The following CD200R1 variants were observed in gnomAD, a reference collection of about 807,000 sequenced individuals.
The protein encoded by CD200R1 is cell surface glycoprotein CD200 receptor 1.
CD200R1 carries 30 observed loss-of-function variants against 38.1 expected under a neutral mutation model. The ratio of observed to expected loss-of-function variants is 0.79; its 90% confidence interval spans 0.59 to 1.07. The LOEUF (loss-of-function observed/expected upper bound fraction) is 1.07. Ranked by LOEUF, CD200R1 falls within the 50% of genes least tolerant of loss-of-function variation. The pLI is 0.00. For missense variants in CD200R1, 372 were observed against 415.4 expected, an observed-to-expected ratio of 0.90 and a Z score of 0.91; for synonymous variants, 128 against 152.1, an observed-to-expected ratio of 0.84 and a Z score of 1.16.
intron 5 of CD200R1, among the ~76,000 whole-genome samples, 178 bp from the exon 6 acceptor site, chr3:112,925,371 A>G (rs1940258535): frequency 6.6e-6 from 1 of 152,162 alleles, no homozygotes; most frequent in Non-Finnish European, 1.5e-5. Context: ...TATGATTCCA[A>G]TTGTAAGACA....
intron 2 of CD200R1, among the ~76,000 whole-genome samples, chr3:112,935,354 CAAAT>C (rs1276495494): frequency 1.3e-5 from 2 of 152,142 alleles, no homozygotes; most frequent in East Asian, 1.9e-4. Context: ...AAACAAGTCT[CAAAT>C]AATTTTTAAA....
At chr3:112,926,998 TA>T (rs1940294613) in intron 5 of CD200R1, among the ~76,000 whole-genome samples, 1 of 152,110 alleles carries the variant, frequency 6.6e-6, no homozygotes, top group Admixed American at 6.6e-5. Flanking sequence ...AGTGTGGGGC[TA>T]AAAGTTGAGA....
chr3:112,972,827 G>A (rs570756920), intron 1 of CD200R1, among the ~76,000 whole-genome samples: 1 of 152,292 alleles, frequency 6.6e-6, no homozygotes, highest in South Asian at 2.1e-4. Context: ...TACAAAGCGA[G>A]TTCTTTCTGT....
chr3:112,926,215 C>G (rs1389175807), intron 5 of CD200R1, among the ~76,000 whole-genome samples: 1 of 152,148 alleles, frequency 6.6e-6, no homozygotes, highest in Non-Finnish European at 1.5e-5. Flanking sequence ...CAAGGAATTG[C>G]CAGCCTGAGA....
At chr3:112,924,872 A>G (rs1347224228) in intron 6 of CD200R1, among the ~76,000 whole-genome samples, 2 of 152,072 alleles carry the variant, frequency 1.3e-5, no homozygotes, top group Admixed American at 6.6e-5. Context: ...CCTACCCTAA[A>G]TGGCCTAATT....
intron 1 of CD200R1, among the ~76,000 whole-genome samples, chr3:112,951,798 C>T (rs1020964742): frequency 6.8e-6 from 1 of 147,630 alleles, no homozygotes; most frequent in African/African-American, 2.5e-5. Flanking sequence ...AAAAAAAAAG[C>T]CTAGGAAAAA....
chr3:112,946,005 C>T (rs948768849), intron 2 of CD200R1, among the ~76,000 whole-genome samples: 2 of 130,374 alleles, frequency 1.5e-5, no homozygotes, highest in African/African-American at 6.0e-5. Flanking sequence ...TGCACTCCAG[C>T]CTGGGCGACA....
intron 5 of CD200R1, among the ~76,000 whole-genome samples, chr3:112,926,068 T>C (rs2107300501): frequency 6.6e-6 from 1 of 152,302 alleles, no homozygotes; most frequent in South Asian, 2.1e-4. Flanking sequence ...GTAAGGAAGA[T>C]ACTTGGAAAA....
chr3:112,968,149 A>T (rs1007647580), intron 1 of CD200R1, among the ~76,000 whole-genome samples: 1 of 152,194 alleles, frequency 6.6e-6, no homozygotes, highest in Admixed American at 6.5e-5. Flanking sequence ...ATCTATTGGT[A>T]TCTAAATTAG....
intron 2 of CD200R1, among the ~76,000 whole-genome samples, chr3:112,938,115 A>G (rs187303352): frequency 2.6e-5 from 4 of 152,296 alleles, no homozygotes; most frequent in Admixed American, 2.6e-4. Flanking sequence ...TTTTCTAGAT[A>G]TAGAATCATG....
chr3:112,971,453 A>G (rs898120230), intron 1 of CD200R1, among the ~76,000 whole-genome samples: 1 of 152,048 alleles, frequency 6.6e-6, no homozygotes, highest in Non-Finnish European at 1.5e-5. Flanking sequence ...CCTATACTGA[A>G]TTTAATATCT....
intron 2 of CD200R1, among the ~76,000 whole-genome samples, chr3:112,943,713 G>T (rs547657038): frequency 8.2e-4 from 124 of 151,604 alleles, no homozygotes; most frequent in African/African-American, 2.9e-3. Flanking sequence ...TAAGTCACTG[G>T]CCAGACCAAG....
At position 112,922,125 on chromosome 3, in the gene CD200R1, A is replaced by G. The variant is rs1292600118; in HGVS notation, c.*1552T>C. The G allele has an allele frequency of 6.6e-6, 1 of 152,052 alleles. No individual in the cohort carries two copies. Among genetic ancestry groups the G allele is most frequent in the Non-Finnish European group, 1.5e-5 (1 of 67,954 alleles). The allele number at this position is 152,052 out of a possible 1,614,324, so 9.4% of individuals were successfully genotyped here. On this transcript the variant is annotated 3_prime_UTR_variant, in exon 8 of 8. Coordinates refer to ENST00000308611, the MANE Select transcript of CD200R1 (RefSeq NM_138806.4). ...ATTAGCTTTACATCCAAAATAGACT[A>G]AAAGTCCCTTTGAGGACAAAATCCA...
intron 2 of CD200R1, among the ~76,000 whole-genome samples, chr3:112,933,630 A>G (rs1457387163): frequency 6.6e-6 from 1 of 152,204 alleles, no homozygotes; most frequent in East Asian, 1.9e-4. Context: ...TTCTCCAGTA[A>G]CATAACCAAT....
chr3:112,962,467 A>C (rs1227319869), intron 1 of CD200R1, among the ~76,000 whole-genome samples: 1 of 152,192 alleles, frequency 6.6e-6, no homozygotes, highest in Non-Finnish European at 1.5e-5. Context: ...GCTGGTCTGT[A>C]GGGGGCTAAT....
intron 2 of CD200R1, among the ~76,000 whole-genome samples, chr3:112,944,710 C>T (rs1559950593): frequency 6.6e-6 from 1 of 151,978 alleles, no homozygotes; most frequent in Non-Finnish European, 1.5e-5. Flanking sequence ...TGTCTTTGTT[C>T]ATACATGACA....
intron 1 of CD200R1, among the ~76,000 whole-genome samples, chr3:112,959,912 C>T (rs949870254): frequency 1.3e-5 from 2 of 151,960 alleles, no homozygotes; most frequent in Admixed American, 6.6e-5. Context: ...GATAACTAAA[C>T]GAATTATATG....
chr3:112,965,857 C>T (rs552394393), intron 1 of CD200R1, among the ~76,000 whole-genome samples: 1 of 152,090 alleles, frequency 6.6e-6, no homozygotes, highest in Non-Finnish European at 1.5e-5. Flanking sequence ...AGGAAGCTAA[C>T]TGGTCAGGCA....
intron 5 of CD200R1, among the ~76,000 whole-genome samples, chr3:112,925,886 T>C (rs902987116): frequency 2.6e-5 from 4 of 152,158 alleles, no homozygotes; most frequent in African/African-American, 9.7e-5. Context: ...TTCTGCCCCA[T>C]TAATAGTTTG....
Sources: allele counts gnomAD v4.1 joint callset (sites outside exome capture counted in the v4.1 genomes callset), GRCh38; gene constraint gnomAD v4.1.1; transcripts MANE v1.5; gene names NCBI Gene and HGNC (gene_info 2026-07-23, HGNC 2026-07-21).